Variants in ADAM18 observed in about 807,000 individuals in gnomAD.
ADAM18 encodes ADAM metallopeptidase domain 18, also known as disintegrin and metalloproteinase domain-containing protein 18.
Under a neutral mutation model 94.4 loss-of-function variants are expected in ADAM18, and 117 were observed. The ratio of observed to expected loss-of-function variants is 1.24; its 90% CI spans 1.07 to 1.45. The LOEUF is 1.45. Among genes scored for constraint, ADAM18 ranks in the 40% most tolerant of loss-of-function variants. ADAM18 has a pLI of 0.00. For missense variants in ADAM18, 936 were observed against 880.0 expected (o/e 1.06, Z -0.81); for synonymous variants, 327 against 291.6 (o/e 1.12, Z -1.24).
chr8:39,703,633 C>T, intron 17 of ADAM18, among the ~76,000 whole-genome samples: 1 of 151,926 alleles, frequency 6.6e-6, no homozygotes, highest in Non-Finnish European at 1.5e-5. Context: ...ATACATGGCT[C>T]TTATTGTTTT....
chr8:39,596,033 A>G (rs999639783), intron 2 of ADAM18, among the ~76,000 whole-genome samples: 8 of 152,246 alleles, frequency 5.3e-5, no homozygotes, highest in Admixed American at 4.6e-4. Context: ...TTTCTAAAAT[A>G]AACTGTGTGT....
At chr8:39,624,830 G>T (rs1003768404) in intron 6 of ADAM18, among the ~76,000 whole-genome samples, 5 of 152,170 alleles carry the variant, frequency 3.3e-5, no homozygotes, top group Non-Finnish European at 7.3e-5. Flanking sequence ...CTCCGTCCAT[G>T]TAAGACATGC....
At position 39,708,237 on chromosome 8, in the gene ADAM18, A is replaced by C. The variant is rs534966103; in HGVS notation, c.2017+1333A>C. Among the ~76,000 whole-genome samples, 10 of 152,332 alleles carry C rather than the reference A, an allele frequency of 6.6e-5. No individual in the cohort carries two copies. In the South Asian group the frequency reaches 2.1e-3, roughly 32 times the overall value. On this transcript the variant is annotated intron_variant, in intron 18 of 19. Transcript: ENST00000265707. The stretch of plus-strand genomic sequence containing the variant: ...AAACTGTAGATAAGGGGGAGTGACT[A>C]CTGTAATCTTACACAGTATTTATAA...
At chr8:39,625,449 G>C (rs1343148592) in intron 6 of ADAM18, among the ~76,000 whole-genome samples, 1 of 151,950 alleles carries the variant, frequency 6.6e-6, no homozygotes, top group Non-Finnish European at 1.5e-5. Context: ...AGCCTTTTAG[G>C]GTTTTTTAGG....
intron 6 of ADAM18, among the ~76,000 whole-genome samples, chr8:39,614,985 T>G (rs1267410135): frequency 2.6e-5 from 4 of 152,142 alleles, no homozygotes; most frequent in Admixed American, 2.0e-4. Context: ...CAAAGAGATG[T>G]AGATAACTGT....
In ADAM18 at chr8:39,637,517, A is replaced by C; in HGVS notation, c.661-20A>C. On this transcript the variant is annotated intron_variant, in intron 8 of 19. Transcript: ENST00000265707. The stretch of plus-strand genomic sequence containing the variant: ...TAATAACTTGTTTCTTTAAAAATGT[A>C]CAATACATCTTATTTTTAGATGTTT... 2.5e-6 allele frequency: 4 copies of C among 1,576,884 alleles called. No homozygotes were observed. The highest frequency in any genetic ancestry group is 3.4e-6 in the Non-Finnish European group (4 of 1,159,974).
chr8:39,656,614 AAAT>A (rs1277316500), intron 12 of ADAM18, among the ~76,000 whole-genome samples: 2 of 152,208 alleles, frequency 1.3e-5, no homozygotes, highest in East Asian at 3.8e-4. Context: ...TGATAAAATA[AAAT>A]ATCAGATAAG....
At chr8:39,630,397 C>CTA (rs1013542895) in intron 7 of ADAM18, among the ~76,000 whole-genome samples, 5 of 150,656 alleles carry the variant, frequency 3.3e-5, no homozygotes, top group African/African-American at 1.2e-4. Context: ...ACTTATATAT[C>CTA]TATATATATA....
chr8:39,594,995 G>T (rs926507281), intron 2 of ADAM18, among the ~76,000 whole-genome samples: 9 of 151,692 alleles, frequency 5.9e-5, no homozygotes, highest in Non-Finnish European at 1.0e-4. Context: ...TAGTACCCTA[G>T]GTCCCCGAAG....
intron 14 of ADAM18, among the ~76,000 whole-genome samples, chr8:39,669,521 G>A (rs1821094480): frequency 7.8e-6 from 1 of 128,728 alleles, no homozygotes; most frequent in Admixed American, 9.7e-5. Flanking sequence ...GTGTCCATGT[G>A]TTCTCATTGT....
Position 39,618,077 on chromosome 8 carries a change from T to C in ADAM18, c.522+7371T>C, listed in dbSNP as rs140185926. Among the ~76,000 whole-genome samples, 347 of 152,320 alleles carry C rather than the reference T, an allele frequency of 2.3e-3. 1 individual carries two copies. Among genetic ancestry groups the C allele is most frequent in the African/African-American group, 7.8e-3 (323 of 41,568 alleles). The stretch of plus-strand genomic sequence containing the variant: ...CTCACTTTATCTGTAAGTATACACA[T>C]AGACTGAAAGTAAATGGATGAAAAG... On this transcript the variant is annotated intron_variant, in intron 6 of 19. Transcript: ENST00000265707.
At chr8:39,701,117 C>CAAAAAAAAAAAAAAAAAAAAAAAAAAAAA (rs71237188) in intron 17 of ADAM18, among the ~76,000 whole-genome samples, 1 of 34,564 alleles carries the variant, frequency 2.9e-5, no homozygotes, top group Non-Finnish European at 5.0e-5. Flanking sequence ...GACTCTGTCT[C>CAAAAAAAAAAAAAAAAAAAAAAAAAAAAA]AAAAAAAAAA....
At chr8:39,716,006 C>G (rs7838350) in intron 18 of ADAM18, among the ~76,000 whole-genome samples, 48,298 of 151,764 alleles carry the variant, frequency 0.32, 8,503 homozygotes, top group East Asian at 0.75. Flanking sequence ...AACTACAGAC[C>G]AATGTCTCTC....
chr8:39,689,559 G>C (rs1821710357), intron 16 of ADAM18, among the ~76,000 whole-genome samples: 3 of 152,154 alleles, frequency 2.0e-5, no homozygotes, highest in Admixed American at 2.0e-4. Flanking sequence ...CTCTGTGTCT[G>C]TTTTTGAATC....
intron 17 of ADAM18, among the ~76,000 whole-genome samples, chr8:39,699,060 T>A (rs1306631737): frequency 1.3e-5 from 2 of 152,020 alleles, no homozygotes; most frequent in Non-Finnish European, 2.9e-5. Context: ...TGATAATAAT[T>A]CTGTTGTTTA....
rs138345456 is a variant in ADAM18, at chr8:39,710,503, T to C, written c.2017+3599T>C. On this transcript the variant is annotated intron_variant, in intron 18 of 19. Transcript: ENST00000265707. ...CTAAGTGAATCTCAGGCAAGATAAA[T>C]ATAAATAAACTTTTGTTCATGAAAA... Among the ~76,000 whole-genome samples, 892 of 152,244 alleles carry C rather than the reference T, an allele frequency of 5.9e-3. 5 individuals are homozygous for C. The highest frequency in any genetic ancestry group is 0.02 in the African/African-American group (837 of 41,554).
intron 13 of ADAM18, among the ~76,000 whole-genome samples, chr8:39,665,795 T>A (rs1820980078): frequency 6.6e-6 from 1 of 152,226 alleles, no homozygotes; most frequent in South Asian, 2.1e-4. Context: ...ATAATTCTTA[T>A]AATAGAACAT....
intron 16 of ADAM18, among the ~76,000 whole-genome samples, chr8:39,690,778 C>T (rs1461778780): frequency 6.6e-6 from 1 of 152,142 alleles, no homozygotes; most frequent in Non-Finnish European, 1.5e-5. Context: ...TTAGTTCAGC[C>T]ACTGTGAAAA....
At chr8:39,586,804 A>ATT (rs1818416760) in intron 2 of ADAM18, among the ~76,000 whole-genome samples, 2 of 106,004 alleles carry the variant, frequency 1.9e-5, no homozygotes, top group Non-Finnish European at 4.6e-5. Flanking sequence ...ATCTATCTAT[A>ATT]TCTATCTATC....
Sources: gnomAD v4.1 joint callset for allele counts (sites outside exome capture counted in the v4.1 genomes callset) on GRCh38, gnomAD v4.1.1 for gene constraint, MANE v1.5 for transcripts, NCBI Gene and HGNC (gene_info 2026-07-23, HGNC 2026-07-21) for gene names.